PDGFA: variants seen among roughly 807,000 people sequenced by gnomAD.
PDGFA encodes platelet-derived growth factor subunit A.
Under a neutral mutation model 25.6 loss-of-function variants are expected in PDGFA, and 9 were observed. The observed-to-expected ratio is 0.35, with a 90% CI of 0.21 to 0.61. PDGFA has a LOEUF of 0.61. Among genes scored for constraint, PDGFA ranks in the 20% least tolerant of loss-of-function variants. The probability of loss-of-function intolerance (pLI) is 0.75; values close to 1 mark genes in which losing one functional copy is unlikely to be tolerated. For missense variants in PDGFA, 242 were observed against 272.8 expected, an observed-to-expected ratio of 0.89 and a Z score of 0.79; for synonymous variants, 133 against 111.8, an observed-to-expected ratio of 1.19 and a Z score of -1.20.
chr7:498,447 G>T (rs958915660), exon 6 of PDGFA: 2 of 996,014 alleles, frequency 2.0e-6, no homozygotes, highest in Non-Finnish European at 3.1e-6. Context: ...CTCGGACACA[G>T]TTTTTCACGG....
chr7:500,422 C>T lies in PDGFA; in HGVS notation c.580+694G>A, dbSNP rs1319375603. ...TGCAGGACTCAGTGTGTCCGGCAGA[C>T]AGTCCTACCTGGTTGGCTGCTTTAG... is the stretch of plus-strand genomic sequence containing the variant. On this transcript the variant is annotated intron_variant, in intron 5 of 5. Transcript: ENST00000402802. This position sits in a 1 kb window ranked among gnomAD's most constrained non-coding sequence, Gnocchi z 5.0. 1.9e-6 allele frequency: 3 copies of T among 1,614,050 alleles called. No individual in the cohort carries two copies. The East Asian group carries it at 6.7e-5, about 36-fold the overall frequency.
intron 1 of PDGFA, 45 bp downstream of exon 1, chr7:518,894 G>A (rs1332156130): frequency 3.6e-6 from 5 of 1,374,518 alleles, no homozygotes; most frequent in Middle Eastern, 2.5e-4. Flanking sequence ...GGGGGTGTGC[G>A]CCGGAGGAGC....
chr7:506,481 C>T (rs1326202592), intron 4 of PDGFA, among the ~76,000 whole-genome samples: 1 of 151,982 alleles, frequency 6.6e-6, no homozygotes, highest in Non-Finnish European at 1.5e-5. Flanking sequence ...GCTTCTCACC[C>T]GTAACACCCC....
intron 2 of PDGFA, chr7:512,746 A>G: frequency 8.9e-7 from 1 of 1,124,820 alleles, no homozygotes; most frequent in African/African-American, 1.6e-5. Flanking sequence ...CCTTCGGGGA[A>G]GAGGTTGCAG....
At chr7:509,944 C>G (rs1049351717) in intron 4 of PDGFA, among the ~76,000 whole-genome samples, 3 of 152,108 alleles carry the variant, frequency 2.0e-5, no homozygotes, top group African/African-American at 7.3e-5. Context: ...ACCCCAAGCA[C>G]TCCTTCTCCT....
intron 2 of PDGFA, among the ~76,000 whole-genome samples, chr7:516,630 C>A (rs1184508776): frequency 1.3e-5 from 2 of 152,184 alleles, no homozygotes; most frequent in Admixed American, 1.3e-4. Flanking sequence ...CCTGAGCGGG[C>A]GGGCGGCCAC....
At chr7:504,217 T>G (rs1221967294) in intron 4 of PDGFA, among the ~76,000 whole-genome samples, 1 of 149,746 alleles carries the variant, frequency 6.7e-6, no homozygotes, top group Non-Finnish European at 1.5e-5. Flanking sequence ...GTCCCCAAGC[T>G]CAGCACAGTA....
chr7:507,282 C>T (rs749698306), intron 4 of PDGFA, among the ~76,000 whole-genome samples: 2 of 152,216 alleles, frequency 1.3e-5, no homozygotes, highest in Non-Finnish European at 2.9e-5. Flanking sequence ...GGAACTGGGC[C>T]GCCAGGCTCT....
At chr7:510,836 G>A (rs767373149) in exon 4 of PDGFA, 7 of 1,605,506 alleles carry the variant, frequency 4.4e-6, no homozygotes, top group Admixed American at 3.4e-5. Flanking sequence ...GGACGCGGGA[G>A]GGCTGGCACT....
chr7:504,285 C>A (rs543440238), intron 4 of PDGFA, among the ~76,000 whole-genome samples: 2 of 152,010 alleles, frequency 1.3e-5, no homozygotes, highest in Non-Finnish European at 2.9e-5. Flanking sequence ...CTGTTGAGGG[C>A]CTGGGGTCGG....
upstream of PDGFA, chr7:519,930 T>G (rs747292548): frequency 5.3e-5 from 2 of 37,454 alleles, no homozygotes. Flanking sequence ...CCCCCCCGCC[T>G]CCCCCGGATT....
chr7:500,473 G>GT lies in PDGFA; in HGVS notation c.580+642dup, dbSNP rs1562483679. On this transcript the variant is annotated intron_variant, in intron 5 of 5. Transcript: ENST00000402802. This position sits in a 1 kb window ranked among gnomAD's most constrained non-coding sequence, Gnocchi z 5.0. ...GTGGGTTTTAACCTTTTTCTTTTCCGTTTTTTACCTGACTCCCTAGGCCTT... is the reference window on the plus strand; with the variant it reads ...GTGGGTTTTAACCTTTTTCTTTTCCGTTTTTTTACCTGACTCCCTAGGCCTT... 3 of 1,614,052 alleles carry GT rather than the reference G, an allele frequency of 1.9e-6. No homozygotes were observed. The highest frequency in any genetic ancestry group is 1.7e-5 in the Admixed American group (1 of 60,020).
At chr7:505,352 C>T (rs1277388950) in intron 4 of PDGFA, among the ~76,000 whole-genome samples, 3 of 152,206 alleles carry the variant, frequency 2.0e-5, no homozygotes, top group Non-Finnish European at 4.4e-5. Flanking sequence ...CTGAGTTCAT[C>T]TGCGTCGTAA....
chr7:497,992 A>T (rs1782167552), exon 6 of PDGFA: 1 of 150,282 alleles, frequency 6.7e-6, no homozygotes, highest in African/African-American at 2.4e-5. Context: ...AAACAAAAAA[A>T]AAAACCACTT....
At chr7:511,138 G>A (rs951279078) in intron 3 of PDGFA, 142 bp from the exon 4 acceptor site, 2 of 678,406 alleles carry the variant, frequency 2.9e-6, no homozygotes, top group African/African-American at 1.8e-5. Flanking sequence ...CAGAGGCTGA[G>A]CTGGGAGCAG....
chr7:503,894 C>T (rs565928378), intron 4 of PDGFA, among the ~76,000 whole-genome samples: 6 of 152,240 alleles, frequency 3.9e-5, no homozygotes, highest in East Asian at 1.9e-4. Flanking sequence ...TGAGAGAAAG[C>T]GGCCAGGACA....
intron 4 of PDGFA, among the ~76,000 whole-genome samples, chr7:506,195 CT>C (rs1782560116): frequency 2.4e-5 from 3 of 125,424 alleles, no homozygotes; most frequent in Non-Finnish European, 5.2e-5. Context: ...AAAAAAATCC[CT>C]CAAGTCGGGC....
At chr7:516,512 A>T (rs1452042799) in intron 2 of PDGFA, among the ~76,000 whole-genome samples, 1 of 152,120 alleles carries the variant, frequency 6.6e-6, no homozygotes, top group Non-Finnish European at 1.5e-5. Context: ...CCCTTTTTAA[A>T]CCAGGTTAAG....
rs1439502101 is a variant in PDGFA at position 516,098 on chromosome 7, T to C, written c.160+1296A>G. On this transcript the variant is annotated intron_variant, in intron 2 of 5. Coordinates refer to ENST00000402802, the Ensembl canonical transcript of PDGFA. Reference sequence around the variant, plus strand: ...GACCAGCGAGATTCAGGCAAGGGATTCCCCCCCACAAACCAGAGCCAGATC... The same window carrying C: ...GACCAGCGAGATTCAGGCAAGGGATCCCCCCCCACAAACCAGAGCCAGATC... Among the ~76,000 whole-genome samples the C allele has an allele frequency of 3.3e-5, 4 of 122,420 alleles. No homozygotes were observed. The East Asian group carries it at 9.7e-4, about 30-fold the overall frequency. The allele number at this position is 122,420 out of a possible 152,430, so 80.3% of individuals were successfully genotyped here. A position where few individuals can be genotyped will look rare whatever the true frequency, so the allele number is the denominator to read the frequency against.
Sources: gnomAD v4.1 joint callset for allele counts (sites outside exome capture counted in the v4.1 genomes callset) on GRCh38, gnomAD v4.1.1 for gene constraint, Gnocchi (gnomAD v3.1) non-coding constraint, MANE v1.5 for transcripts, NCBI Gene and HGNC (gene_info 2026-07-23, HGNC 2026-07-21) for gene names.